LITAF: variants seen among roughly 807,000 people sequenced by gnomAD.
LITAF encodes lipopolysaccharide-induced tumor necrosis factor-alpha factor.
A neutral mutation model predicts 14.5 loss-of-function variants in LITAF; 9 were observed. That is an observed-to-expected ratio of 0.62 (90% CI 0.37 to 1.08). LITAF has a LOEUF of 1.08. Among genes scored for constraint, LITAF ranks in the 50% least tolerant of loss-of-function variants. The pLI is 0.01. For synonymous variants in LITAF, 98 were observed against 88.2 expected (o/e 1.11, Z -0.62); for missense variants, 206 against 213.4 (o/e 0.97, Z 0.22).
chr16:11,590,031 C>T (rs1423166300), upstream of LITAF, among the ~76,000 whole-genome samples: 2 of 113,492 alleles, frequency 1.8e-5, no homozygotes, highest in African/African-American at 8.6e-5. Flanking sequence ...GTGGCACACA[C>T]CTGTAGTCCC....
intron 1 of LITAF, among the ~76,000 whole-genome samples, chr16:11,579,278 C>T (rs1273052560): frequency 2.0e-5 from 3 of 151,444 alleles, no homozygotes; most frequent in South Asian, 2.1e-4. Flanking sequence ...GGTGAAACCC[C>T]GTCTCTACTA....
intron 3 of LITAF, among the ~76,000 whole-genome samples, chr16:11,613,352 A>G (rs1175417069): frequency 1.3e-5 from 2 of 152,112 alleles, no homozygotes; most frequent in African/African-American, 2.4e-5. Context: ...TGACAGAGAG[A>G]CCAGACCTCC....
chr16:11,637,908 A>ATATC (rs2065144871), upstream of LITAF, among the ~76,000 whole-genome samples: 7 of 59,598 alleles, frequency 1.2e-4, no homozygotes, highest in Admixed American at 4.6e-4. Context: ...CTATATATAT[A>ATATC]TATATCTATA....
At chr16:11,607,272 A>T (rs753987) in intron 3 of LITAF, among the ~76,000 whole-genome samples, 59,661 of 152,138 alleles carry the variant, frequency 0.39, 13,388 homozygotes, top group Middle Eastern at 0.52. Flanking sequence ...GCAATGTGAT[A>T]CTCACTATCA....
chr16:11,620,922 G>T (rs570988648), intron 3 of LITAF, among the ~76,000 whole-genome samples: 2 of 152,334 alleles, frequency 1.3e-5, no homozygotes, highest in South Asian at 4.1e-4. Context: ...TTTTGAGATG[G>T]TCTCGCTCTG....
intron 2 of LITAF, among the ~76,000 whole-genome samples, chr16:11,555,333 C>T (rs1054060202): frequency 1.3e-5 from 2 of 152,196 alleles, no homozygotes; most frequent in African/African-American, 4.8e-5. Flanking sequence ...CCTGTTCATA[C>T]ATTTTATTAA....
At chr16:11,555,126 G>A (rs1172199557) in intron 2 of LITAF, among the ~76,000 whole-genome samples, 1 of 151,920 alleles carries the variant, frequency 6.6e-6, no homozygotes, top group South Asian at 2.1e-4. Context: ...TCAACCTCCT[G>A]GGCTTAAGCA....
At chr16:11,563,571 C>T (rs1375320556) in intron 1 of LITAF, among the ~76,000 whole-genome samples, 1 of 152,164 alleles carries the variant, frequency 6.6e-6, no homozygotes, top group African/African-American at 2.4e-5. Flanking sequence ...AGTGCGTTTA[C>T]TGTGCACTTT....
Position 11,555,807 on chromosome 16 carries a change from T to C in LITAF, c.220+704A>G, listed in dbSNP as rs1032278184. Among the ~76,000 whole-genome samples, 3 of 152,322 alleles carry C rather than the reference T, an allele frequency of 2.0e-5. No individual in the cohort carries two copies. The East Asian group carries it at 5.8e-4, about 29-fold the overall frequency. Reference sequence around the variant, plus strand: ...ACTTTTATCAAACGAGTACTCTGTATTTGGCACACACAACTTCCTCTCATG... The same window carrying C: ...ACTTTTATCAAACGAGTACTCTGTACTTGGCACACACAACTTCCTCTCATG... On this transcript the variant is annotated intron_variant, in intron 2 of 3. Transcript: ENST00000622633.
At chr16:11,633,548 G>C (rs1430098796) in exon 3 of LITAF, 3 of 152,074 alleles carry the variant, frequency 2.0e-5, no homozygotes, top group African/African-American at 7.2e-5. Flanking sequence ...CCAAGACGGC[G>C]ACGAGGGCGA....
chr16:11,612,781 G>T (rs1296532089), intron 3 of LITAF, among the ~76,000 whole-genome samples: 1 of 152,198 alleles, frequency 6.6e-6, no homozygotes, highest in Non-Finnish European at 1.5e-5. Flanking sequence ...GATGTTTGGA[G>T]GATGAGTCCG....
Position 11,549,617 on chromosome 16 carries a change from C to G in LITAF, c.*20G>C. The G allele has an allele frequency of 6.3e-7, 1 of 1,584,388 alleles. No individual in the cohort carries two copies. Among genetic ancestry groups the G allele is most frequent in the Non-Finnish European group, 8.7e-7 (1 of 1,155,200 alleles). ...AAGGACTTCCTGCGGCACCCGGCTC[C>G]CTCCACGTCTGGCTGAGTCCTACAA... On this transcript the variant is annotated 3_prime_UTR_variant, in exon 4 of 4. Transcript: ENST00000622633. This position sits in a 1 kb window ranked among gnomAD's most constrained non-coding sequence, Gnocchi z 4.6.
chr16:11,556,127 G>C (rs553723846), intron 2 of LITAF, among the ~76,000 whole-genome samples: 1 of 152,300 alleles, frequency 6.6e-6, no homozygotes, highest in East Asian at 1.9e-4. Context: ...GCTCAGGACG[G>C]TTTCTTCTCC....
At position 11,576,234 on chromosome 16, in the gene LITAF, C is replaced by G. The variant is rs545385618; in HGVS notation, c.-6+10652G>C. Among the ~76,000 whole-genome samples, 14 of 152,064 alleles carry G rather than the reference C, an allele frequency of 9.2e-5. No individual in the cohort carries two copies. In the East Asian group the frequency reaches 2.7e-3, roughly 30 times the overall value. On this transcript the variant is annotated intron_variant, in intron 1 of 3. Transcript: ENST00000622633. ...CTGTAATCCCAGTGCTTTGGGAGGC[C>G]GAGGCGGGTGAATCACTTGAGGTCA... is the stretch of plus-strand genomic sequence containing the variant.
Position 11,548,518 on chromosome 16 carries a change from A to G in LITAF, c.*1119T>C, listed in dbSNP as rs1235338860. On this transcript the variant is annotated 3_prime_UTR_variant, in exon 4 of 4. Transcript: ENST00000622633. ...AAACGGACCCCACTCTGAGAGTTCC[A>G]TGATGAAGGTGTTTAAGAATCACAT... 3 of 454,080 alleles carry G rather than the reference A, an allele frequency of 6.6e-6. No homozygotes were observed. The Admixed American group carries it at 7.0e-5, about 11-fold the overall frequency. The allele number at this position is 454,080 out of a possible 1,614,324, so 28.1% of individuals were successfully genotyped here.
chr16:11,638,103 T>G (rs1010581106), upstream of LITAF, among the ~76,000 whole-genome samples: 142 of 129,880 alleles, frequency 1.1e-3, 5 homozygotes, highest in Middle Eastern at 3.9e-3. Flanking sequence ...TATCTATATA[T>G]ATATATCTAT....
chr16:11,626,436 T>G (rs531466421), intron 3 of LITAF, among the ~76,000 whole-genome samples: 3 of 146,776 alleles, frequency 2.0e-5, no homozygotes, highest in Non-Finnish European at 3.1e-5. Flanking sequence ...CTCTGCCTCC[T>G]GGGTTCAAGG....
chr16:11,575,567 C>G (rs1459142892), intron 1 of LITAF: 1 of 152,194 alleles, frequency 6.6e-6, no homozygotes, highest in African/African-American at 2.4e-5. Flanking sequence ...AACTTGAAAA[C>G]CCCCAGGGGG....
At chr16:11,635,606 G>T (rs563249306) in intron 2 of LITAF, among the ~76,000 whole-genome samples, 41 of 152,332 alleles carry the variant, frequency 2.7e-4, no homozygotes, top group Non-Finnish European at 5.3e-4. Flanking sequence ...AGGAGGAAAT[G>T]AGACCCTGGG....
Sources: gnomAD v4.1 joint callset for allele counts (sites outside exome capture counted in the v4.1 genomes callset) on GRCh38, gnomAD v4.1.1 for gene constraint, Gnocchi (gnomAD v3.1) non-coding constraint, MANE v1.5 for transcripts, NCBI Gene and HGNC (gene_info 2026-07-23, HGNC 2026-07-21) for gene names.